The following TFEC variants were observed in gnomAD, a reference collection of about 807,000 sequenced individuals.
TFEC encodes the protein class E basic helix-loop-helix protein 34.
Under a neutral mutation model 41.6 loss-of-function variants are expected in TFEC, and 31 were observed. The observed-to-expected ratio is 0.74, with a 90% confidence interval of 0.56 to 1.01. The LOEUF (loss-of-function observed/expected upper bound fraction) is 1.01, where lower values mean the gene tolerates loss of function less well. Among genes scored for constraint, TFEC ranks in the 50% least tolerant of loss-of-function variants. The pLI is 0.00. For missense variants in TFEC, 402 were observed against 404.1 expected, an observed-to-expected ratio of 0.99 and a Z score of 0.04; for synonymous variants, 143 against 140.6, an observed-to-expected ratio of 1.02 and a Z score of -0.12.
intron 3 of TFEC, among the ~76,000 whole-genome samples, chr7:116,109,473 A>G (rs183853364): frequency 4.6e-5 from 7 of 152,366 alleles, no homozygotes; most frequent in African/African-American, 1.4e-4. Flanking sequence ...ACATCAAAAA[A>G]TGCTCATCAT....
intron 1 of TFEC, among the ~76,000 whole-genome samples, chr7:116,156,293 C>G (rs1051411595): frequency 6.6e-6 from 1 of 152,122 alleles, no homozygotes; most frequent in African/African-American, 2.4e-5. Flanking sequence ...GGAGTGTAAA[C>G]AAATTTGAAT....
At chr7:115,968,285 A>G in intron 3 of TFEC, 4 of 1,521,820 alleles carry the variant, frequency 2.6e-6, no homozygotes, top group Non-Finnish European at 3.5e-6. Flanking sequence ...AATAACCAAG[A>G]GAACTGTGTG....
intron 1 of TFEC, among the ~76,000 whole-genome samples, chr7:116,123,680 C>T (rs1584544932): frequency 6.6e-6 from 1 of 152,184 alleles, no homozygotes; most frequent in East Asian, 1.9e-4. Context: ...TCAAACACAA[C>T]TGCCCTTTTT....
chr7:115,978,932 G>T (rs1313641581), intron 2 of TFEC, among the ~76,000 whole-genome samples: 1 of 152,072 alleles, frequency 6.6e-6, no homozygotes, highest in Non-Finnish European at 1.5e-5. Flanking sequence ...AGGTTCTCAA[G>T]GGGATTTATT....
chr7:116,056,181 G>T (rs538981578), intron 3 of TFEC, among the ~76,000 whole-genome samples: 8 of 151,950 alleles, frequency 5.3e-5, no homozygotes, highest in Admixed American at 3.3e-4. Flanking sequence ...CGAGAGACAG[G>T]AAAGGTAAGG....
At chr7:116,147,696 T>C (rs1798671931) in intron 1 of TFEC, among the ~76,000 whole-genome samples, 1 of 152,156 alleles carries the variant, frequency 6.6e-6, no homozygotes, top group Admixed American at 6.5e-5. Context: ...AGATGGATGA[T>C]TTCTCAGTGA....
chr7:115,945,647 C>T (rs1791492212), intron 6 of TFEC, among the ~76,000 whole-genome samples: 1 of 151,674 alleles, frequency 6.6e-6, no homozygotes, highest in Admixed American at 6.6e-5. Flanking sequence ...CCATTAGACC[C>T]CAAATAAATG....
chr7:116,042,857 AT>A (rs144642080), intron 3 of TFEC, among the ~76,000 whole-genome samples: 2,062 of 152,312 alleles, frequency 0.014, 39 homozygotes, highest in African/African-American at 0.047. Context: ...TGAGTAGCAT[AT>A]TTGGACTTCT....
intron 3 of TFEC, among the ~76,000 whole-genome samples, chr7:115,966,099 A>T (rs1370222651): frequency 6.6e-6 from 1 of 151,744 alleles, no homozygotes; most frequent in East Asian, 1.9e-4. Context: ...CCCAGTCAAA[A>T]AATCTGAAAT....
At chr7:116,018,374 C>G (rs1363327929) in intron 1 of TFEC, among the ~76,000 whole-genome samples, 1 of 152,160 alleles carries the variant, frequency 6.6e-6, no homozygotes, top group Non-Finnish European at 1.5e-5. Context: ...TTACAGATGG[C>G]TCCAGGGTTA....
rs17138217 is a variant in TFEC, at chr7:115,987,116, G to A, written c.-72-2603C>T. 7.4e-3 allele frequency among the ~76,000 whole-genome samples: 1,128 copies of A among 152,196 alleles called. 23 individuals are homozygous for A. The highest frequency in any genetic ancestry group is 0.026 in the African/African-American group (1,078 of 41,528). The stretch of plus-strand genomic sequence containing the variant: ...GTATGGGACTAACTCTAATTCTCCC[G>A]AAATTATTGATTATCTGTGAGGAAT... On this transcript the variant is annotated intron_variant, in intron 1 of 7. Coordinates refer to ENST00000265440, the MANE Select transcript of TFEC (RefSeq NM_012252.4).
intron 3 of TFEC, among the ~76,000 whole-genome samples, chr7:116,050,359 A>G (rs749631945): frequency 6.6e-6 from 1 of 152,274 alleles, no homozygotes; most frequent in Non-Finnish European, 1.5e-5. Flanking sequence ...AAACACCTCT[A>G]TGCAAATGAA....
chr7:116,127,069 C>T (rs527546941), intron 1 of TFEC, among the ~76,000 whole-genome samples: 1 of 151,976 alleles, frequency 6.6e-6, no homozygotes, highest in Non-Finnish European at 1.5e-5. Flanking sequence ...GAAAACAGTA[C>T]ATGTCTGGGC....
intron 1 of TFEC, among the ~76,000 whole-genome samples, chr7:116,144,089 A>C (rs1798593770): frequency 6.6e-6 from 1 of 152,048 alleles, no homozygotes; most frequent in Non-Finnish European, 1.5e-5. Context: ...ATGGTGGCAC[A>C]CGCCTGTAAT....
At chr7:116,017,784 A>G (rs1322234194) in intron 1 of TFEC, among the ~76,000 whole-genome samples, 1 of 152,172 alleles carries the variant, frequency 6.6e-6, no homozygotes, top group Non-Finnish European at 1.5e-5. Flanking sequence ...CTTTTCAGGA[A>G]CAGGTTACAA....
At chr7:116,109,509 C>G (rs1797799652) in intron 3 of TFEC, among the ~76,000 whole-genome samples, 1 of 152,178 alleles carries the variant, frequency 6.6e-6, no homozygotes, top group Non-Finnish European at 1.5e-5. Flanking sequence ...AAATGCAAAT[C>G]AAAACCACAA....
At chr7:116,100,775 C>A (rs966185450) in intron 3 of TFEC, among the ~76,000 whole-genome samples, 2 of 152,002 alleles carry the variant, frequency 1.3e-5, no homozygotes, top group African/African-American at 4.8e-5. Context: ...TGTGGGCTAT[C>A]TATCTCAACA....
chr7:116,070,083 A>G (rs1336003651), intron 3 of TFEC, among the ~76,000 whole-genome samples: 2 of 151,504 alleles, frequency 1.3e-5, no homozygotes, highest in Admixed American at 6.6e-5. Context: ...ATGTCTTTAC[A>G]TAAATATATG....
At chr7:115,955,493 T>C (rs138266383) in intron 4 of TFEC, among the ~76,000 whole-genome samples, 2,515 of 152,144 alleles carry the variant, frequency 0.017, 36 homozygotes, top group Middle Eastern at 0.027. Context: ...CTACAAGAAC[T>C]TGAGTGAAAC....
Sources: gnomAD v4.1 joint callset for allele counts (sites outside exome capture counted in the v4.1 genomes callset) on GRCh38, gnomAD v4.1.1 for gene constraint, MANE v1.5 for transcripts, NCBI Gene and HGNC (gene_info 2026-07-23, HGNC 2026-07-21) for gene names.